KLHL8: variants seen among roughly 807,000 people sequenced by gnomAD.
KLHL8 encodes kelch like family member 8.
In KLHL8, 38 loss-of-function variants were observed where a neutral mutation model predicts 63.5. The ratio of observed to expected loss-of-function variants is 0.60; its 90% confidence interval spans 0.46 to 0.78. The LOEUF (loss-of-function observed/expected upper bound fraction) is 0.78, where lower values mean the gene tolerates loss of function less well. Among genes scored for constraint, KLHL8 ranks in the 30% least tolerant of loss-of-function variants. The probability of loss-of-function intolerance (pLI) is 0.00; values close to 1 mark genes in which losing one functional copy is unlikely to be tolerated. For synonymous variants in KLHL8, 224 were observed against 254.3 expected (o/e 0.88, Z 1.13); for missense variants, 566 against 752.4 (o/e 0.75, Z 2.90).
intron 2 of KLHL8, among the ~76,000 whole-genome samples, chr4:87,191,739 T>C (rs1369205210): frequency 2.0e-5 from 3 of 152,036 alleles, no homozygotes; most frequent in Non-Finnish European, 4.4e-5. Context: ...AAACAGTTTA[T>C]TTCAATTCAT....
At chr4:87,226,947 T>A (rs1238625848) in intron 1 of KLHL8, among the ~76,000 whole-genome samples, 1 of 34,958 alleles carries the variant, frequency 2.9e-5, no homozygotes, top group Non-Finnish European at 5.6e-5. Flanking sequence ...ATAATATATA[T>A]TATATATAAG....
intron 1 of KLHL8, among the ~76,000 whole-genome samples, chr4:87,200,750 A>C (rs1025551005): frequency 6.6e-6 from 1 of 152,222 alleles, no homozygotes; most frequent in Non-Finnish European, 1.5e-5. Context: ...AAAAGTTAGA[A>C]ATAGAATTAC....
chr4:87,180,815 G>A (rs1463603263), intron 4 of KLHL8, among the ~76,000 whole-genome samples: 1 of 152,062 alleles, frequency 6.6e-6, no homozygotes, highest in Non-Finnish European at 1.5e-5. Context: ...GGCTGAAGTG[G>A]GTGAATCACT....
intron 1 of KLHL8, chr4:87,207,031 C>T (rs1732158180): frequency 2.9e-6 from 1 of 348,190 alleles, no homozygotes; most frequent in African/African-American, 2.2e-5. Flanking sequence ...CTCTCTGCTC[C>T]TCCCATTTGA....
chr4:87,198,774 C>T (rs548751000), intron 1 of KLHL8, among the ~76,000 whole-genome samples: 27 of 152,160 alleles, frequency 1.8e-4, no homozygotes, highest in Middle Eastern at 3.2e-3. Flanking sequence ...TGATAACATA[C>T]ACATACACAC....
intron 2 of KLHL8, among the ~76,000 whole-genome samples, chr4:87,187,862 CTGTTTTCA>C (rs1468293865): frequency 6.6e-6 from 1 of 151,990 alleles, no homozygotes; most frequent in Non-Finnish European, 1.5e-5. Flanking sequence ...AACAGTTTTC[CTGTTTTCA>C]TGTAGTGTTT....
At chr4:87,177,436 G>A (rs187501197) in intron 5 of KLHL8, among the ~76,000 whole-genome samples, 4 of 152,104 alleles carry the variant, frequency 2.6e-5, no homozygotes, top group Admixed American at 6.5e-5. Flanking sequence ...CCTGGGAAGC[G>A]GAGGTTATAG....
intron 1 of KLHL8, chr4:87,219,870 G>A (rs1560719543): frequency 1.3e-5 from 2 of 152,268 alleles, no homozygotes; most frequent in African/African-American, 4.8e-5. Context: ...AGTGGGGACA[G>A]GCAGTGCCTT....
At chr4:87,174,282 A>G (rs1021105) in intron 6 of KLHL8, among the ~76,000 whole-genome samples, 148,564 of 150,526 alleles carry the variant, frequency 0.99, 73,331 homozygotes, top group South Asian at 1. Context: ...ATCACCTGCA[A>G]GTTTTTTTTT....
intron 8 of KLHL8, chr4:87,167,773 T>C (rs1730460098): frequency 9.2e-6 from 2 of 218,478 alleles, no homozygotes; most frequent in African/African-American, 4.6e-5. Context: ...TTGGTGGTTA[T>C]TGGGAAGCTG....
intron 1 of KLHL8, among the ~76,000 whole-genome samples, chr4:87,206,647 T>C (rs1732143407): frequency 6.6e-6 from 1 of 152,198 alleles, no homozygotes; most frequent in Non-Finnish European, 1.5e-5. Context: ...CCATTCTTTT[T>C]CTACTATATC....
chr4:87,226,401 A>G (rs566040271), intron 1 of KLHL8, among the ~76,000 whole-genome samples: 57 of 151,138 alleles, frequency 3.8e-4, no homozygotes, highest in Admixed American at 3.5e-3. Flanking sequence ...TGTCTCTACT[A>G]AAAATACAAA....
intron 2 of KLHL8, among the ~76,000 whole-genome samples, chr4:87,190,222 T>C (rs886343461): frequency 1.4e-4 from 21 of 152,178 alleles, no homozygotes; most frequent in Non-Finnish European, 4.4e-5. Flanking sequence ...ACATGTATAT[T>C]ATTCATTACT....
At chr4:87,168,793 TACACAC>T in intron 8 of KLHL8, among the ~76,000 whole-genome samples, 1 of 53,052 alleles carries the variant, frequency 1.9e-5, no homozygotes. Flanking sequence ...TACGTATATA[TACACAC>T]ATATATATAC....
At position 87,185,295 on chromosome 4, in the gene KLHL8, T is replaced by C; in HGVS notation, c.721A>G (p.Asn241Asp). 1 of 1,614,130 alleles carries C rather than the reference T, an allele frequency of 6.2e-7. No individual in the cohort carries two copies. The highest frequency in any genetic ancestry group is 8.5e-7 in the Non-Finnish European group (1 of 1,179,972). ...YNAAIKWLLANPQHHSKWLDE... is the reference protein window; with the variant it reads ...YNAAIKWLLADPQHHSKWLDE... ...AACCATTTGGAATGATGCTGAGGAT[T>C]GGCAAGAAGCCACTTGATGGCAGCA... The change falls in exon 3 of 10, where the codon AAT (asparagine) becomes GAT (aspartate). Residue 241 changes from asparagine to aspartate, a missense_variant. Asn to Asp is a conservative substitution (Grantham distance 23, BLOSUM62 1). Coordinates refer to ENST00000273963, the MANE Select transcript of KLHL8 (RefSeq NM_020803.5).
chr4:87,207,563 TG>T, intron 1 of KLHL8: 1 of 1,143,300 alleles, frequency 8.7e-7, no homozygotes, highest in Non-Finnish European at 1.3e-6. Context: ...TTAGCGCCCC[TG>T]GCCAATGTCA....
chr4:87,182,228 C>CAA (rs34458758), intron 4 of KLHL8, among the ~76,000 whole-genome samples: 879 of 65,384 alleles, frequency 0.013, 16 homozygotes, highest in African/African-American at 0.026. Flanking sequence ...GACTCCGTCT[C>CAA]AAAAAAAAAA....
At chr4:87,183,085 A>G in intron 4 of KLHL8, 118 bp downstream of exon 4, 2 of 640,954 alleles carry the variant, frequency 3.1e-6, no homozygotes, top group Non-Finnish European at 5.1e-6. Flanking sequence ...GTATTTGCCA[A>G]TTATTACTTT....
At chr4:87,163,705 A>G (rs1560686589) in intron 9 of KLHL8, 63 bp from the exon 10 acceptor site, 1 of 1,597,406 alleles carries the variant, frequency 6.3e-7, no homozygotes, top group Non-Finnish European at 8.5e-7. Context: ...AATACTAACC[A>G]AAGACAAAAA....
Sources: allele counts gnomAD v4.1 joint callset (sites outside exome capture counted in the v4.1 genomes callset), GRCh38; gene constraint gnomAD v4.1.1; transcripts MANE v1.5; gene names NCBI Gene and HGNC (gene_info 2026-07-23, HGNC 2026-07-21).